Variants in BOLL observed in about 807,000 individuals in gnomAD.
The protein encoded by BOLL is protein boule-like.
BOLL carries 23 observed loss-of-function variants against 44.4 expected under a neutral mutation model. The observed-to-expected ratio is 0.52, with a 90% CI of 0.37 to 0.73. The LOEUF is 0.73. Ranked by LOEUF, BOLL falls within the 30% of genes least tolerant of loss-of-function variation. The pLI, the probability that BOLL is intolerant of heterozygous loss-of-function variation, is 0.00. For missense variants in BOLL, 287 were observed against 338.3 expected, an observed-to-expected ratio of 0.85 and a Z score of 1.19; for synonymous variants, 97 against 110.8, an observed-to-expected ratio of 0.88 and a Z score of 0.78.
At position 197,766,544 on chromosome 2, in the gene BOLL, T is replaced by C. The variant is rs1689006954; in HGVS notation, c.540A>G (p.Ala180=). The change falls in exon 7 of 11, where the codon GCA becomes GCG. Residue 180 remains alanine (A), a synonymous_variant. Transcript: ENST00000392296. The part of the protein sequence containing the change: ...MVAQPIYQQP[A]YHYQATTQYL... ...AATTTATGTTTACCTGGTAGTGATA[T>C]GCAGGTTGCTGATAAATGGGCTGAG... is the stretch of plus-strand genomic sequence containing the variant. 4 of 1,608,802 alleles carry C rather than the reference T, an allele frequency of 2.5e-6. No homozygotes were observed. The highest frequency in any genetic ancestry group is 1.1e-5 in the South Asian group (1 of 90,814).
intron 5 of BOLL, chr2:197,774,093 C>A (rs1689396724): frequency 4.8e-6 from 2 of 413,010 alleles, no homozygotes; most frequent in South Asian, 1.8e-5. Context: ...GGCTATTTAA[C>A]CCCATACTTC....
chr2:197,728,109 T>G lies in BOLL; in HGVS notation c.*446A>C. On this transcript the variant is annotated 3_prime_UTR_variant, in exon 11 of 11. Coordinates refer to ENST00000392296, the MANE Select transcript of BOLL (RefSeq NM_033030.6). ...AAATAGTATACTGTTGTAAAATATATGAAAGTATTAAAAGTATTATAATTA... is the reference window on the plus strand; with the variant it reads ...AAATAGTATACTGTTGTAAAATATAGGAAAGTATTAAAAGTATTATAATTA... 1 of 181,342 alleles carries G rather than the reference T, an allele frequency of 5.5e-6. No individual in the cohort carries two copies. Among genetic ancestry groups the G allele is most frequent in the South Asian group, 1.9e-4 (1 of 5,394 alleles). 11.2% of individuals were successfully genotyped at this position (181,342 alleles called of 1,614,324 possible).
intron 4 of BOLL, 40 bp from the exon 5 acceptor site, chr2:197,775,780 A>C (rs34056332): frequency 1.7e-6 from 2 of 1,205,512 alleles, no homozygotes; most frequent in Admixed American, 4.9e-5. Context: ...TTATTTTAGC[A>C]CTATTATTTA....
At chr2:197,779,483 A>G (rs1002233932) in intron 2 of BOLL, among the ~76,000 whole-genome samples, 2 of 151,888 alleles carry the variant, frequency 1.3e-5, no homozygotes, top group African/African-American at 4.8e-5. Context: ...GTTGGCCTAC[A>G]CCAGTCATTC....
At chr2:197,775,543 G>T in intron 5 of BOLL, 122 bp downstream of exon 5, 1 of 667,022 alleles carries the variant, frequency 1.5e-6, no homozygotes, top group Non-Finnish European at 2.3e-6. Flanking sequence ...CACCAACTTT[G>T]CTAAAATAAC....
intron 9 of BOLL, among the ~76,000 whole-genome samples, chr2:197,755,356 G>T (rs1293251145): frequency 6.6e-6 from 1 of 152,106 alleles, no homozygotes; most frequent in Admixed American, 6.6e-5. Context: ...AAGACCTAGA[G>T]GCAGAAATAC....
At chr2:197,745,363 A>G (rs1209975779) in intron 9 of BOLL, among the ~76,000 whole-genome samples, 3 of 152,208 alleles carry the variant, frequency 2.0e-5, no homozygotes, top group Non-Finnish European at 2.9e-5. Flanking sequence ...TATATTAGTC[A>G]GACTATACCC....
intron 9 of BOLL, among the ~76,000 whole-genome samples, chr2:197,750,572 G>A (rs1457198197): frequency 6.6e-6 from 1 of 152,060 alleles, no homozygotes; most frequent in African/African-American, 2.4e-5. Flanking sequence ...AATGGTAAAG[G>A]GATCAATGCA....
chr2:197,748,728 G>A (rs1688099229), intron 9 of BOLL, among the ~76,000 whole-genome samples: 1 of 152,240 alleles, frequency 6.6e-6, no homozygotes, highest in African/African-American at 2.4e-5. Context: ...AAAGGCAGCA[G>A]CCCCAGTCAG....
chr2:197,756,518 A>C lies in BOLL; in HGVS notation c.639T>G (p.Pro213=). 1 of 1,612,292 alleles carries C rather than the reference A, an allele frequency of 6.2e-7. No homozygotes were observed. Among genetic ancestry groups the C allele is most frequent in the Admixed American group, 1.7e-5 (1 of 59,900 alleles). The stretch of plus-strand genomic sequence containing the variant: ...CCACTGGTTGATAAATAACCTCAGA[A>C]GGTTGCAGGTATAAGAATGGAGCAG... ...ASSAPFLYLQ[P]SEVIYQPVEI... Residue 213 remains proline (P), a synonymous_variant, in exon 9 of 11, where the codon CCT becomes CCG. Transcript: ENST00000392296.
chr2:197,754,585 G>A (rs1399801125), intron 9 of BOLL, among the ~76,000 whole-genome samples: 1 of 151,990 alleles, frequency 6.6e-6, no homozygotes, highest in Non-Finnish European at 1.5e-5. Context: ...ATGGTGGCAC[G>A]TGCCTGTAGT....
chr2:197,784,897 T>C (rs1193817953), intron 1 of BOLL, 159 bp downstream of exon 1: 1 of 987,050 alleles, frequency 1.0e-6, no homozygotes. Context: ...TGTTGCCGGG[T>C]TTGAAGGCTC....
intron 2 of BOLL, among the ~76,000 whole-genome samples, chr2:197,780,310 C>A (rs1689708058): frequency 6.6e-6 from 1 of 152,022 alleles, no homozygotes; most frequent in Admixed American, 6.6e-5. Flanking sequence ...TGGCCTTTAT[C>A]TGTGGTTTTG....
intron 9 of BOLL, among the ~76,000 whole-genome samples, chr2:197,749,217 A>C (rs1688124256): frequency 2.6e-5 from 4 of 152,248 alleles, no homozygotes; most frequent in Admixed American, 2.6e-4. Context: ...CATCCACGCA[A>C]AAACCCCATT....
At chr2:197,761,237 C>T (rs1043319147) in intron 7 of BOLL, among the ~76,000 whole-genome samples, 8 of 152,192 alleles carry the variant, frequency 5.3e-5, no homozygotes, top group Admixed American at 2.6e-4. Context: ...CTTGAGCTCA[C>T]GAGTTTGACA....
chr2:197,784,785 C>T, intron 1 of BOLL: 3 of 987,576 alleles, frequency 3.0e-6, no homozygotes, highest in Non-Finnish European at 3.6e-6. Context: ...CATCTAAGTT[C>T]ATTATAAACA....
intron 5 of BOLL, among the ~76,000 whole-genome samples, chr2:197,772,838 C>T (rs1395453020): frequency 6.6e-6 from 1 of 151,974 alleles, no homozygotes; most frequent in Non-Finnish European, 1.5e-5. Context: ...TATACCAGTG[C>T]TTCTCAAAAT....
chr2:197,784,790 T>C (rs886667072), intron 1 of BOLL: 3 of 987,518 alleles, frequency 3.0e-6, no homozygotes, highest in Non-Finnish European at 3.6e-6. Context: ...AAGTTCATTA[T>C]AAACAATTAG....
At chr2:197,748,667 G>C (rs1171043441) in intron 9 of BOLL, among the ~76,000 whole-genome samples, 1 of 152,224 alleles carries the variant, frequency 6.6e-6, no homozygotes, top group East Asian at 1.9e-4. Flanking sequence ...AGCCACTGTA[G>C]CCAGACTGCC....
Sources: gnomAD v4.1 joint callset for allele counts (sites outside exome capture counted in the v4.1 genomes callset) on GRCh38, gnomAD v4.1.1 for gene constraint, MANE v1.5 for transcripts, NCBI Gene and HGNC (gene_info 2026-07-23, HGNC 2026-07-21) for gene names.